TMEM232: variants seen among roughly 807,000 people sequenced by gnomAD.
TMEM232 encodes the protein transmembrane protein 232.
A neutral mutation model predicts 78.8 loss-of-function variants in TMEM232; 80 were observed. The observed-to-expected ratio is 1.01, with a 90% CI of 0.85 to 1.22. The LOEUF (loss-of-function observed/expected upper bound fraction) is 1.22, where lower values mean the gene tolerates loss of function less well. Among genes scored for constraint, TMEM232 ranks in the 50% most tolerant of loss-of-function variants. TMEM232 has a pLI of 0.00. For missense variants in TMEM232, 881 were observed against 742.2 expected (o/e 1.19, Z -2.17); for synonymous variants, 297 against 254.3 (o/e 1.17, Z -1.60).
chr5:110,639,014 T>C (rs1198006848), intron 4 of TMEM232, among the ~76,000 whole-genome samples: 1 of 152,046 alleles, frequency 6.6e-6, no homozygotes, highest in African/African-American at 2.4e-5. Context: ...TTACAAAAGT[T>C]TTGAGGAGCT....
chr5:110,449,758 C>T (rs969553812), intron 12 of TMEM232, among the ~76,000 whole-genome samples: 2 of 152,140 alleles, frequency 1.3e-5, no homozygotes, highest in African/African-American at 4.8e-5. Context: ...TGTGGAGCTA[C>T]AAAGCAGATG....
At chr5:110,469,629 C>T (rs185715479) in intron 12 of TMEM232, among the ~76,000 whole-genome samples, 1 of 152,306 alleles carries the variant, frequency 6.6e-6, no homozygotes, top group Non-Finnish European at 1.5e-5. Flanking sequence ...CTAGTTGCTG[C>T]TGCACCCTGT....
chr5:110,697,994 T>C (rs1345707842), intron 1 of TMEM232, among the ~76,000 whole-genome samples: 1 of 152,160 alleles, frequency 6.6e-6, no homozygotes, highest in Non-Finnish European at 1.5e-5. Flanking sequence ...ACACGTATGT[T>C]TATTGTGGCA....
intron 12 of TMEM232, among the ~76,000 whole-genome samples, chr5:110,486,412 G>A (rs1471359445): frequency 6.6e-6 from 1 of 151,982 alleles, no homozygotes; most frequent in Non-Finnish European, 1.5e-5. Flanking sequence ...GTCTAGAAGG[G>A]TTTTTCCAGT....
At chr5:110,644,987 AT>A (rs990486543) in intron 2 of TMEM232, among the ~76,000 whole-genome samples, 3 of 151,638 alleles carry the variant, frequency 2.0e-5, no homozygotes, top group African/African-American at 7.2e-5. Context: ...TCTAGAAGAA[AT>A]GAATAAATTC....
At chr5:110,528,154 G>A (rs903344242) in intron 12 of TMEM232, among the ~76,000 whole-genome samples, 1 of 151,816 alleles carries the variant, frequency 6.6e-6, no homozygotes, top group African/African-American at 2.4e-5. Context: ...TAAATTTATA[G>A]GAGTTGAAAC....
At chr5:110,656,482 A>G (rs1480323375) in intron 2 of TMEM232, among the ~76,000 whole-genome samples, 2 of 152,204 alleles carry the variant, frequency 1.3e-5, no homozygotes, top group Non-Finnish European at 2.9e-5. Flanking sequence ...ATATCAAAGA[A>G]TACATTAAAG....
chr5:110,451,220 A>G (rs1027828384), intron 12 of TMEM232, among the ~76,000 whole-genome samples: 11 of 128,598 alleles, frequency 8.6e-5, no homozygotes, highest in African/African-American at 5.2e-4. Context: ...AGCAATTGGC[A>G]TGTAATTCAT....
chr5:110,718,127 A>T (rs1275471253), intron 1 of TMEM232, among the ~76,000 whole-genome samples: 1 of 152,108 alleles, frequency 6.6e-6, no homozygotes. Flanking sequence ...ATATTTGTCA[A>T]ATTTAGTATA....
chr5:110,574,857 C>A (rs545923131), intron 10 of TMEM232, among the ~76,000 whole-genome samples: 2 of 152,042 alleles, frequency 1.3e-5, no homozygotes, highest in East Asian at 3.9e-4. Context: ...TAAACCATAA[C>A]CCTGAGTAAA....
chr5:110,673,052 C>A (rs1269327903), intron 1 of TMEM232, among the ~76,000 whole-genome samples: 3 of 152,038 alleles, frequency 2.0e-5, no homozygotes, highest in African/African-American at 7.3e-5. Context: ...TGGAACCAAC[C>A]CAAATGTCCA....
intron 10 of TMEM232, among the ~76,000 whole-genome samples, chr5:110,590,329 A>C (rs758853970): frequency 6.6e-6 from 1 of 152,076 alleles, no homozygotes; most frequent in East Asian, 1.9e-4. Context: ...CAAACCTACC[A>C]GTCCGTGTCC....
intron 10 of TMEM232, among the ~76,000 whole-genome samples, chr5:110,576,622 C>T (rs149448365): frequency 0.013 from 1,930 of 152,052 alleles, 20 homozygotes; most frequent in African/African-American, 0.022. Context: ...TTAAGCTACC[C>T]GACTTCAAAC....
chr5:110,555,576 T>C (rs2149632729), intron 11 of TMEM232, among the ~76,000 whole-genome samples: 1 of 152,284 alleles, frequency 6.6e-6, no homozygotes, highest in Middle Eastern at 3.4e-3. Flanking sequence ...TCTGCCTTGA[T>C]GATCTCTCTG....
chr5:110,525,716 ATAGC>A (rs1279709222), intron 12 of TMEM232, among the ~76,000 whole-genome samples: 1 of 151,708 alleles, frequency 6.6e-6, no homozygotes, highest in Non-Finnish European at 1.5e-5. Flanking sequence ...AATAAACAAA[ATAGC>A]TAGGAAAACA....
intron 12 of TMEM232, among the ~76,000 whole-genome samples, chr5:110,521,933 G>T (rs1039733303): frequency 6.6e-6 from 1 of 151,992 alleles, no homozygotes; most frequent in South Asian, 2.1e-4. Context: ...GATTGATTTG[G>T]CTATTCACAA....
chr5:110,409,674 A>C (rs1250871327), intron 2 of TMEM232, among the ~76,000 whole-genome samples: 1 of 151,880 alleles, frequency 6.6e-6, no homozygotes, highest in Non-Finnish European at 1.5e-5. Flanking sequence ...CCATCTGTTG[A>C]GTATCTTTAG....
intron 10 of TMEM232, among the ~76,000 whole-genome samples, chr5:110,597,418 T>C (rs373779514): frequency 5.3e-5 from 8 of 152,224 alleles, no homozygotes; most frequent in Non-Finnish European, 7.4e-5. Context: ...GAATCAATAT[T>C]GTGAAAATGG....
intron 11 of TMEM232, among the ~76,000 whole-genome samples, chr5:110,550,540 T>A (rs564202959): frequency 6.6e-6 from 1 of 152,004 alleles, no homozygotes; most frequent in East Asian, 1.9e-4. Context: ...GGGTAAAAAA[T>A]TAACACACAA....
Sources: allele counts gnomAD v4.1 joint callset (sites outside exome capture counted in the v4.1 genomes callset), GRCh38; gene constraint gnomAD v4.1.1; transcripts MANE v1.5; gene names NCBI Gene and HGNC (gene_info 2026-07-23, HGNC 2026-07-21).